TMEM131: variants seen among roughly 807,000 people sequenced by gnomAD.
TMEM131 encodes transmembrane protein 131.
Under a neutral mutation model 211.6 loss-of-function variants are expected in TMEM131, and 66 were observed. That is an observed-to-expected ratio of 0.31 (90% CI 0.26 to 0.38). TMEM131 has a LOEUF of 0.38. Among genes scored for constraint, TMEM131 ranks in the 10% least tolerant of loss-of-function variants. The pLI is 1.00. For synonymous variants in TMEM131, 844 were observed against 841.3 expected (o/e 1.00, Z -0.06); for missense variants, 2,036 against 2,299.3 (o/e 0.89, Z 2.34).
chr2:97,948,503 G>A (rs6543226), intron 1 of TMEM131, among the ~76,000 whole-genome samples: 3,743 of 152,130 alleles, frequency 0.025, 161 homozygotes, highest in African/African-American at 0.087. Flanking sequence ...AACACCAGGA[G>A]ACACCACTAC....
chr2:97,805,351 G>C (rs1180792055), intron 21 of TMEM131, 25 bp downstream of exon 21: 3 of 1,608,846 alleles, frequency 1.9e-6, no homozygotes, highest in Middle Eastern at 1.6e-4. Context: ...GTGAAGACAT[G>C]AGAGAGAACA....
chr2:97,990,248 G>A (rs929853729), intron 1 of TMEM131, among the ~76,000 whole-genome samples: 4 of 151,684 alleles, frequency 2.6e-5, no homozygotes, highest in African/African-American at 9.7e-5. Context: ...TCATGATCCA[G>A]AATGGCCTGT....
chr2:97,805,058 G>A (rs1279591090), intron 22 of TMEM131, 30 bp downstream of exon 22: 1 of 1,428,012 alleles, frequency 7.0e-7, no homozygotes. Flanking sequence ...TTGTAAAGAT[G>A]GCTAAAATAA....
chr2:97,946,209 TATTAG>T (rs1197544142), intron 1 of TMEM131, among the ~76,000 whole-genome samples: 1 of 151,840 alleles, frequency 6.6e-6, no homozygotes, highest in Admixed American at 6.6e-5. Context: ...ACATTCTAAA[TATTAG>T]ATAAGTAATC....
chr2:97,922,071 TG>T (rs1230496230), intron 2 of TMEM131, among the ~76,000 whole-genome samples: 5 of 152,186 alleles, frequency 3.3e-5, no homozygotes, highest in Non-Finnish European at 7.3e-5. Flanking sequence ...AATTTTTCCA[TG>T]GATGGGGGGT....
chr2:97,859,474 T>C (rs1456240571), intron 4 of TMEM131, 47 bp from the exon 5 acceptor site: 1 of 1,451,534 alleles, frequency 6.9e-7, no homozygotes, highest in Non-Finnish European at 9.1e-7. Flanking sequence ...CAGATAATTC[T>C]GATTATTTCT....
At position 97,792,491 on chromosome 2, in the gene TMEM131, T is replaced by C; in HGVS notation, c.4039A>G (p.Ile1347Val). 1 of 1,613,786 alleles carries C rather than the reference T, an allele frequency of 6.2e-7. No individual in the cohort carries two copies. Among genetic ancestry groups the C allele is most frequent in the South Asian group, 1.1e-5 (1 of 91,018 alleles). ...SARHSSEDSDITSLIEAMDKD... is the reference protein window; with the variant it reads ...SARHSSEDSDVTSLIEAMDKD... ...TCCATGGCTTCTATGAGACTGGTGA[T>C]GTCCGAGTCCTCGGAACTGTGCCTC... Residue 1347 changes from isoleucine to valine, a missense_variant, in exon 31 of 41, where the codon ATC (isoleucine) becomes GTC (valine). Physicochemically the swap from Ile to Val is conservative, Grantham distance 29 (BLOSUM62 3). Around this residue, in one of 3 missense-constraint regions of TMEM131, gnomAD observed 1,623 missense variants for 1,805.9 expected, o/e 0.90. Transcript: ENST00000186436.
chr2:97,870,825 C>A (rs185825829), intron 4 of TMEM131, among the ~76,000 whole-genome samples: 1 of 152,310 alleles, frequency 6.6e-6, no homozygotes, highest in Admixed American at 6.5e-5. Context: ...CCGCAAAATA[C>A]TACTATCCTC....
At chr2:97,790,535 T>C (rs1680454890) in intron 31 of TMEM131, among the ~76,000 whole-genome samples, 1 of 152,252 alleles carries the variant, frequency 6.6e-6, no homozygotes, top group Non-Finnish European at 1.5e-5. Flanking sequence ...TTTTAAAATT[T>C]AGGTTCTCAA....
Position 97,797,526 on chromosome 2 carries a change from T to C in TMEM131, c.2719-10A>G. 3.7e-6 allele frequency: 6 copies of C among 1,603,800 alleles called. No homozygotes were observed. The highest frequency in any genetic ancestry group is 3.4e-6 in the Non-Finnish European group (4 of 1,175,814). Reference sequence around the variant, plus strand: ...TCTGCAGTGGATGAGCCTTGAATCATTGGGTAAACAGAGAGGAGTCATGAA... The same window carrying C: ...TCTGCAGTGGATGAGCCTTGAATCACTGGGTAAACAGAGAGGAGTCATGAA... On this transcript the variant is annotated splice_polypyrimidine_tract_variant and intron_variant, in intron 25 of 40. Coordinates refer to ENST00000186436, the MANE Select transcript of TMEM131 (RefSeq NM_015348.2).
At chr2:97,888,013 G>A in intron 4 of TMEM131, 39 bp downstream of exon 4, 1 of 1,495,698 alleles carries the variant, frequency 6.7e-7, no homozygotes. Flanking sequence ...ACATTTAATA[G>A]TTTAATGGGA....
intron 1 of TMEM131, among the ~76,000 whole-genome samples, chr2:97,929,028 G>C (rs1677106390): frequency 6.6e-6 from 1 of 151,684 alleles, no homozygotes; most frequent in Non-Finnish European, 1.5e-5. Context: ...CAATAGCAAA[G>C]AACACACCTG....
chr2:97,785,855 GA>G (rs1475216885), intron 31 of TMEM131, among the ~76,000 whole-genome samples: 3 of 152,210 alleles, frequency 2.0e-5, no homozygotes, highest in South Asian at 4.1e-4. Flanking sequence ...ACGCACTGGT[GA>G]ATCTCCAGAG....
At chr2:97,823,569 A>C (rs1682227882) in intron 11 of TMEM131, among the ~76,000 whole-genome samples, 1 of 152,198 alleles carries the variant, frequency 6.6e-6, no homozygotes, top group Non-Finnish European at 1.5e-5. Context: ...CAGCTGAAGA[A>C]AGGGACAAAT....
rs759494879 is a variant in TMEM131, at chr2:97,795,108, G to A, written c.3208C>T (p.Pro1070Ser). The A allele has an allele frequency of 6.2e-7, 1 of 1,611,334 alleles. No individual in the cohort carries two copies. The highest frequency in any genetic ancestry group is 8.5e-7 in the Non-Finnish European group (1 of 1,178,668). Residue 1070 changes from proline to serine, a missense_variant, in exon 29 of 41, where the codon CCT becomes TCT. Around this residue, in one of 3 missense-constraint regions of TMEM131, gnomAD observed 1,623 missense variants for 1,805.9 expected, o/e 0.90. Transcript: ENST00000186436. Reference sequence around the variant, plus strand: ...ATAACTCTAGAAGCTGTAAAATCAGGAGTAAACCTAAAACAGAATGATGGT... The same window carrying A: ...ATAACTCTAGAAGCTGTAAAATCAGAAGTAAACCTAAAACAGAATGATGGT... ...ASRDIIILFT[P>S]DFTASRVIRE...
At chr2:97,804,622 A>C (rs1459257672) in intron 22 of TMEM131, among the ~76,000 whole-genome samples, 3 of 63,098 alleles carry the variant, frequency 4.8e-5, no homozygotes, top group African/African-American at 1.7e-4. Context: ...ACTCCGTCTC[A>C]AAAAAAAAAA....
In TMEM131 at chr2:97,796,845, A is replaced by G. The variant is rs755801075; in HGVS notation, c.3012T>C (p.Asp1004=). The change falls in exon 27 of 41, where the codon GAT becomes GAC. Residue 1004 remains aspartate (D), a splice_region_variant and synonymous_variant. Coordinates refer to ENST00000186436, the MANE Select transcript of TMEM131 (RefSeq NM_015348.2). ...ITEALLKDCT[D]SLKLREPNFT... ...CTTGAAACTGTTAGGAAGACTTACTATCTGTACAATCTTTTAACAATGCTT... is the reference window on the plus strand; with the variant it reads ...CTTGAAACTGTTAGGAAGACTTACTGTCTGTACAATCTTTTAACAATGCTT... 16 of 1,613,088 alleles carry G rather than the reference A, an allele frequency of 9.9e-6. No homozygotes were observed. The highest frequency in any genetic ancestry group is 1.3e-5 in the African/African-American group (1 of 75,032).
intron 1 of TMEM131, among the ~76,000 whole-genome samples, chr2:97,985,957 AAAG>A (rs1680010031): frequency 1.3e-5 from 2 of 152,034 alleles, no homozygotes; most frequent in Admixed American, 1.3e-4. Flanking sequence ...TAAAAAAAAA[AAAG>A]AGAGTTGCCT....
At chr2:97,813,215 GA>G (rs1681641971) in intron 15 of TMEM131, among the ~76,000 whole-genome samples, 1 of 152,100 alleles carries the variant, frequency 6.6e-6, no homozygotes, top group Non-Finnish European at 1.5e-5. Context: ...AACCCTAGGG[GA>G]TCGGGCAAAA....
Sources: gnomAD v4.1 joint callset for allele counts (sites outside exome capture counted in the v4.1 genomes callset) on GRCh38, gnomAD v4.1.1 for gene constraint, gnomAD v4.1.1 regional missense constraint, MANE v1.5 for transcripts, NCBI Gene and HGNC (gene_info 2026-07-23, HGNC 2026-07-21) for gene names.